TRPC4: variants seen among roughly 807,000 people sequenced by gnomAD.
The protein encoded by TRPC4 is transient receptor potential cation channel subfamily C member 4.
In TRPC4, 49 loss-of-function variants were observed where a neutral mutation model predicts 99.4. The ratio of observed to expected loss-of-function variants is 0.49; its 90% CI spans 0.39 to 0.63. TRPC4 has a LOEUF of 0.63. TRPC4 is among the 20% of genes least tolerant of loss of function. TRPC4 has a pLI of 0.00. For synonymous variants in TRPC4, 454 were observed against 425.9 expected (o/e 1.07, Z -0.81); for missense variants, 898 against 1,152.9 (o/e 0.78, Z 3.20).
chr13:37,719,447 G>T (rs74047129), intron 3 of TRPC4, among the ~76,000 whole-genome samples: 4,958 of 152,076 alleles, frequency 0.033, 192 homozygotes, highest in African/African-American at 0.1. Flanking sequence ...ACATGCTAAA[G>T]AGGATTCTTC....
intron 2 of TRPC4, among the ~76,000 whole-genome samples, chr13:37,765,686 T>C (rs1161319218): frequency 1.3e-5 from 2 of 151,590 alleles, no homozygotes; most frequent in East Asian, 3.9e-4. Context: ...TAAACATTGC[T>C]AAATTGCTTT....
chr13:37,651,937 A>G (rs1952059718), intron 7 of TRPC4, among the ~76,000 whole-genome samples: 1 of 152,228 alleles, frequency 6.6e-6, no homozygotes, highest in Admixed American at 6.5e-5. Context: ...TCATGTGAAT[A>G]TTATTGCCCA....
chr13:37,676,546 G>A (rs1412919750), intron 4 of TRPC4, among the ~76,000 whole-genome samples: 1 of 151,950 alleles, frequency 6.6e-6, no homozygotes, highest in Non-Finnish European at 1.5e-5. Context: ...CTAATTTTTT[G>A]TATTTTAGTA....
At chr13:37,733,180 G>A (rs534319086) in intron 3 of TRPC4, among the ~76,000 whole-genome samples, 1 of 152,224 alleles carries the variant, frequency 6.6e-6, no homozygotes, top group African/African-American at 2.4e-5. Flanking sequence ...GGCTGAGGTG[G>A]GAAGATCACT....
chr13:37,664,112 A>G (rs916149592), intron 5 of TRPC4, among the ~76,000 whole-genome samples: 12 of 152,228 alleles, frequency 7.9e-5, no homozygotes, highest in Non-Finnish European at 5.9e-5. Context: ...AGTAGGTAAA[A>G]TACATGATTT....
intron 1 of TRPC4, among the ~76,000 whole-genome samples, chr13:37,836,220 C>A (rs1010375199): frequency 1.3e-5 from 2 of 152,144 alleles, no homozygotes; most frequent in Non-Finnish European, 2.9e-5. Context: ...GTAAATTGCC[C>A]AGTCTCGGGT....
chr13:37,805,403 C>T (rs1957506416), intron 1 of TRPC4, among the ~76,000 whole-genome samples: 1 of 151,888 alleles, frequency 6.6e-6, no homozygotes, highest in African/African-American at 2.4e-5. Flanking sequence ...TCTGTGATGC[C>T]TTCACTGGGG....
intron 8 of TRPC4, 48 bp downstream of exon 8, chr13:37,651,216 CA>C: frequency 6.3e-7 from 1 of 1,599,570 alleles, no homozygotes; most frequent in Admixed American, 1.7e-5. Context: ...CAAATATATT[CA>C]AATACACAAT....
At chr13:37,706,941 C>T (rs1256455961) in intron 3 of TRPC4, among the ~76,000 whole-genome samples, 3 of 152,060 alleles carry the variant, frequency 2.0e-5, no homozygotes, top group Non-Finnish European at 4.4e-5. Context: ...TCTCTTGATA[C>T]TATTTAAAAT....
At chr13:37,720,713 A>G (rs1326944187) in intron 3 of TRPC4, among the ~76,000 whole-genome samples, 2 of 152,082 alleles carry the variant, frequency 1.3e-5, no homozygotes, top group African/African-American at 4.8e-5. Flanking sequence ...TCAGGAGTAT[A>G]TTTATTTTTC....
chr13:37,868,151 C>T (rs530614666), intron 1 of TRPC4, among the ~76,000 whole-genome samples: 22 of 152,004 alleles, frequency 1.4e-4, no homozygotes, highest in Non-Finnish European at 2.4e-4. Context: ...TTTATCTTGA[C>T]CTTTTGGAAA....
At chr13:37,741,139 T>G (rs1955577975) in intron 3 of TRPC4, among the ~76,000 whole-genome samples, 1 of 152,332 alleles carries the variant, frequency 6.6e-6, no homozygotes, top group South Asian at 2.1e-4. Context: ...TCTAGGCTAC[T>G]CTACCTTTTA....
intron 1 of TRPC4, among the ~76,000 whole-genome samples, chr13:37,819,212 G>C (rs1957945752): frequency 6.6e-6 from 1 of 151,916 alleles, no homozygotes; most frequent in Non-Finnish European, 1.5e-5. Context: ...AAAAAGAAAT[G>C]CTTATATACT....
chr13:37,684,794 TACACACACAC>T lies in TRPC4; in HGVS notation c.1234+7195_1234+7204del, dbSNP rs57132536. Reference sequence around the variant, plus strand: ...TCTTTCGATTTTCCTGAGTACCCCTTACACACACACACACACACACACACACACACACACA... The same window carrying T: ...TCTTTCGATTTTCCTGAGTACCCCTTACACACACACACACACACACACACA... On this transcript the variant is annotated intron_variant, in intron 4 of 10. Coordinates refer to ENST00000379705, the MANE Select transcript of TRPC4 (RefSeq NM_016179.4). Among the ~76,000 whole-genome samples the T allele has an allele frequency of 1.3e-3, 183 of 140,758 alleles. 1 individual carries two copies. The highest frequency in any genetic ancestry group is 9.1e-3 in the East Asian group (43 of 4,740). The allele number at this position is 140,758 out of a possible 152,430, so 92.3% of individuals were successfully genotyped here.
At chr13:37,811,388 C>G (rs1234695714) in intron 1 of TRPC4, among the ~76,000 whole-genome samples, 2 of 152,060 alleles carry the variant, frequency 1.3e-5, no homozygotes, top group African/African-American at 4.8e-5. Context: ...TCCTGAGCAA[C>G]AGAGGGAAAA....
At chr13:37,855,337 G>GATAT (rs59525799) in intron 1 of TRPC4, among the ~76,000 whole-genome samples, 5,773 of 136,492 alleles carry the variant, frequency 0.042, 309 homozygotes, top group African/African-American at 0.12. Context: ...ATACAATGTA[G>GATAT]ATATATATAT....
At chr13:37,795,320 A>T (rs1957218219) in intron 1 of TRPC4, among the ~76,000 whole-genome samples, 1 of 152,186 alleles carries the variant, frequency 6.6e-6, no homozygotes, top group Non-Finnish European at 1.5e-5. Context: ...GTATATGTAA[A>T]TTATACCTCA....
intron 1 of TRPC4, among the ~76,000 whole-genome samples, chr13:37,810,539 G>T (rs946081306): frequency 1.3e-5 from 2 of 152,138 alleles, no homozygotes; most frequent in Admixed American, 1.3e-4. Context: ...ATGTGTGGCA[G>T]GATGGAAGAG....
chr13:37,774,060 C>A (rs1956634600), intron 2 of TRPC4, among the ~76,000 whole-genome samples: 1 of 151,670 alleles, frequency 6.6e-6, no homozygotes, highest in Admixed American at 6.6e-5. Context: ...AAACTTATAT[C>A]TCCAAGTCAA....
Sources: gnomAD v4.1 joint callset for allele counts (sites outside exome capture counted in the v4.1 genomes callset) on GRCh38, gnomAD v4.1.1 for gene constraint, MANE v1.5 for transcripts, NCBI Gene and HGNC (gene_info 2026-07-23, HGNC 2026-07-21) for gene names.